The following CALN1 variants were observed in gnomAD, a reference collection of about 807,000 sequenced individuals.
CALN1 encodes the protein calneuron 1, also known as calcium-binding protein 8.
A neutral mutation model predicts 30.6 loss-of-function variants in CALN1; 17 were observed. The observed-to-expected ratio is 0.56, with a 90% CI of 0.38 to 0.83. The LOEUF (loss-of-function observed/expected upper bound fraction) is 0.83. Ranked by LOEUF, CALN1 falls within the 40% of genes least tolerant of loss-of-function variation. The pLI is 0.00. For missense variants in CALN1, 291 were observed against 354.9 expected (o/e 0.82, Z 1.45); for synonymous variants, 156 against 131.4 (o/e 1.19, Z -1.28).
chr7:71,958,382 T>C (rs566816585), intron 5 of CALN1, among the ~76,000 whole-genome samples: 123 of 152,294 alleles, frequency 8.1e-4, no homozygotes, highest in African/African-American at 2.3e-3. Context: ...ATGAGACTCT[T>C]GGCTTCCTCC....
intron 5 of CALN1, among the ~76,000 whole-genome samples, chr7:71,822,560 T>C (rs151153191): frequency 3.5e-4 from 53 of 152,370 alleles, no homozygotes; most frequent in African/African-American, 1.2e-3. Flanking sequence ...CTTCTGGTTC[T>C]TATGGTTTGT....
At chr7:71,859,061 ATGTT>A (rs1425132887) in intron 5 of CALN1, among the ~76,000 whole-genome samples, 8 of 151,436 alleles carry the variant, frequency 5.3e-5, no homozygotes, top group African/African-American at 1.5e-4. Context: ...CTTTTTTTGT[ATGTT>A]TGTTTGTTTG....
chr7:72,164,248 A>T (rs1788349334), intron 3 of CALN1, among the ~76,000 whole-genome samples: 1 of 151,696 alleles, frequency 6.6e-6, no homozygotes, highest in Non-Finnish European at 1.5e-5. Flanking sequence ...CATGCCTATA[A>T]TCCTAGCCAC....
At position 71,854,954 on chromosome 7, in the gene CALN1, C is replaced by T. The variant is rs181559142; in HGVS notation, c.502-44462G>A. Among the ~76,000 whole-genome samples the T allele has an allele frequency of 5.1e-3, 773 of 152,262 alleles. 1 individual carries two copies. Among genetic ancestry groups the T allele is most frequent in the Non-Finnish European group, 7.3e-3 (495 of 68,026 alleles). On this transcript the variant is annotated intron_variant, in intron 5 of 6. Coordinates refer to ENST00000395275, the MANE Select transcript of CALN1 (RefSeq NM_031468.4). ...CTCAAAACTATGCTGCAATTCAAAA[C>T]GATGCTAACCCTGTCTGGACAAGGG...
At chr7:72,267,372 T>C (rs929022927) in intron 3 of CALN1, among the ~76,000 whole-genome samples, 2 of 152,192 alleles carry the variant, frequency 1.3e-5, no homozygotes, top group Non-Finnish European at 2.9e-5. Flanking sequence ...GGCCAGCCTT[T>C]CCTGGGCTGC....
intron 5 of CALN1, among the ~76,000 whole-genome samples, chr7:71,899,989 T>G (rs1793761163): frequency 6.6e-6 from 1 of 152,232 alleles, no homozygotes; most frequent in South Asian, 2.1e-4. Context: ...GGCAAAACCT[T>G]TTAAATCATA....
intron 4 of CALN1, among the ~76,000 whole-genome samples, chr7:72,089,709 T>G (rs1805724543): frequency 6.6e-6 from 1 of 152,086 alleles, no homozygotes. Context: ...CAAAAGCATT[T>G]AAAGAACATT....
chr7:72,164,469 T>A (rs1161460028), intron 3 of CALN1, among the ~76,000 whole-genome samples: 1 of 151,946 alleles, frequency 6.6e-6, no homozygotes, highest in Non-Finnish European at 1.5e-5. Flanking sequence ...CAAAGATTGC[T>A]GAAAACCACT....
At chr7:71,802,854 C>G (rs1293488222) in intron 6 of CALN1, among the ~76,000 whole-genome samples, 1 of 151,972 alleles carries the variant, frequency 6.6e-6, no homozygotes, top group Non-Finnish European at 1.5e-5. Flanking sequence ...GAAACCTTGT[C>G]TGTACTAAAA....
intron 3 of CALN1, among the ~76,000 whole-genome samples, chr7:72,187,782 A>G (rs1486507662): frequency 6.6e-6 from 1 of 152,184 alleles, no homozygotes; most frequent in Non-Finnish European, 1.5e-5. Flanking sequence ...GGAACAAGTC[A>G]TATCACCTTA....
intron 5 of CALN1, among the ~76,000 whole-genome samples, chr7:71,846,541 T>C (rs2190049): frequency 0.17 from 26,512 of 151,924 alleles, 2,794 homozygotes; most frequent in Non-Finnish European, 0.22. Context: ...CGTGCGTGTG[T>C]GTGTATAGAT....
chr7:71,968,029 C>T (rs1274153434), intron 5 of CALN1, among the ~76,000 whole-genome samples: 2 of 152,260 alleles, frequency 1.3e-5, no homozygotes, highest in East Asian at 3.9e-4. Flanking sequence ...AATCCCACAC[C>T]TAGGTATTTA....
chr7:72,160,175 T>C (rs78123520), intron 3 of CALN1, among the ~76,000 whole-genome samples: 1,890 of 152,262 alleles, frequency 0.012, 42 homozygotes, highest in African/African-American at 0.043. Context: ...AGAGATTAGA[T>C]TGCCATAAAA....
intron 4 of CALN1, among the ~76,000 whole-genome samples, chr7:72,080,375 G>A (rs562038650): frequency 1.4e-4 from 21 of 152,270 alleles, no homozygotes; most frequent in South Asian, 6.2e-4. Flanking sequence ...TGCAAAACCC[G>A]TGTCACAGGG....
rs142211772 is a variant in CALN1 at position 72,222,221 on chromosome 7, G to A, written c.244+56465C>T. ...AGTCTGGGTAACAGAGCGAGACTCC[G>A]TCTCAAAAAAAGAAAAAAAAAAAGA... On this transcript the variant is annotated intron_variant, in intron 3 of 6. Coordinates refer to ENST00000395275, the MANE Select transcript of CALN1 (RefSeq NM_031468.4). Among the ~76,000 whole-genome samples the A allele has an allele frequency of 6.0e-3, 813 of 136,118 alleles. 4 individuals are homozygous for A. Among genetic ancestry groups the A allele is most frequent in the African/African-American group, 0.02 (677 of 34,460 alleles). The allele number at this position is 136,118 out of a possible 152,430, so 89.3% of individuals were successfully genotyped here.
intron 4 of CALN1, among the ~76,000 whole-genome samples, chr7:72,048,025 G>GCTT (rs758200175): frequency 3.8e-4 from 56 of 145,874 alleles, no homozygotes; most frequent in East Asian, 1.2e-3. Flanking sequence ...CATTCATATT[G>GCTT]CTTCTTCTTC....
chr7:72,432,959 G>A (rs189170083), intron 1 of CALN1, among the ~76,000 whole-genome samples: 4 of 152,266 alleles, frequency 2.6e-5, no homozygotes, highest in African/African-American at 9.6e-5. Flanking sequence ...TCAAGGAGAG[G>A]CGGGAAAAGA....
At chr7:71,832,207 G>A (rs1789330939) in intron 5 of CALN1, among the ~76,000 whole-genome samples, 1 of 152,074 alleles carries the variant, frequency 6.6e-6, no homozygotes, top group Admixed American at 6.6e-5. Flanking sequence ...CTTCCATCTG[G>A]CATTCAGCAA....
chr7:72,281,713 T>C (rs1017135057), intron 2 of CALN1, among the ~76,000 whole-genome samples: 8 of 152,354 alleles, frequency 5.3e-5, no homozygotes, highest in Admixed American at 3.3e-4. Flanking sequence ...TGCATCACTC[T>C]AGTTTCTCAG....
Sources: allele counts gnomAD v4.1 joint callset (sites outside exome capture counted in the v4.1 genomes callset), GRCh38; gene constraint gnomAD v4.1.1; transcripts MANE v1.5; gene names NCBI Gene and HGNC (gene_info 2026-07-23, HGNC 2026-07-21).